The following NUBPL variants were observed in gnomAD, a reference collection of about 807,000 sequenced individuals.
The protein encoded by NUBPL is iron-sulfur cluster transfer protein NUBPL.
A neutral mutation model predicts 45.7 loss-of-function variants in NUBPL; 31 were observed. The observed-to-expected ratio is 0.68, with a 90% CI of 0.51 to 0.92. The LOEUF (loss-of-function observed/expected upper bound fraction) is 0.92. NUBPL is among the 40% of genes least tolerant of loss of function. The pLI, the probability that NUBPL is intolerant of heterozygous loss-of-function variation, is 0.00. For missense variants in NUBPL, 401 were observed against 398.7 expected (o/e 1.01, Z -0.05); for synonymous variants, 144 against 140.9 (o/e 1.02, Z -0.15).
chr14:31,716,364 A>G (rs2037688501), intron 6 of NUBPL, among the ~76,000 whole-genome samples: 1 of 152,138 alleles, frequency 6.6e-6, no homozygotes, highest in Non-Finnish European at 1.5e-5. Context: ...ACTGTACCTA[A>G]TTGTATATGT....
At chr14:31,708,916 T>C (rs543865456) in intron 6 of NUBPL, among the ~76,000 whole-genome samples, 2 of 152,300 alleles carry the variant, frequency 1.3e-5, no homozygotes, top group South Asian at 4.1e-4. Context: ...GACAATCTTT[T>C]TTAAAGTGTC....
At chr14:31,780,281 G>A (rs551563264) in intron 6 of NUBPL, among the ~76,000 whole-genome samples, 32 of 151,976 alleles carry the variant, frequency 2.1e-4, no homozygotes, top group African/African-American at 7.2e-4. Flanking sequence ...AGTTGGCCAG[G>A]CTAGTCTGTG....
intron 6 of NUBPL, among the ~76,000 whole-genome samples, chr14:31,739,256 T>TATA (rs1566533875): frequency 8.4e-6 from 1 of 119,126 alleles, no homozygotes; most frequent in African/African-American, 4.4e-5. Flanking sequence ...ATATATATTT[T>TATA]TTTTTTTTAG....
In NUBPL at chr14:31,859,241, C is replaced by A; in HGVS notation, c.*61C>A. 8.0e-7 allele frequency: 1 copy of A among 1,246,490 alleles called. No individual in the cohort carries two copies. The highest frequency in any genetic ancestry group is 1.2e-6 in the Non-Finnish European group (1 of 845,850). 77.2% of individuals were successfully genotyped at this position (1,246,490 alleles called of 1,614,324 possible). A position where few individuals can be genotyped will look rare whatever the true frequency, so the allele number is the denominator to read the frequency against. On this transcript the variant is annotated 3_prime_UTR_variant, in exon 11 of 11. Coordinates refer to ENST00000281081, the MANE Select transcript of NUBPL (RefSeq NM_025152.3). ...CATTAAGAGGACCTTTGGAAATCAG[C>A]AATGTGGTGATGGAACCTACAGAAA...
intron 4 of NUBPL, among the ~76,000 whole-genome samples, chr14:31,616,277 C>T (rs1470366314): frequency 6.6e-6 from 1 of 152,124 alleles, no homozygotes; most frequent in Non-Finnish European, 1.5e-5. Flanking sequence ...TGTGCAGAAG[C>T]TCTTTAGTTT....
At chr14:31,624,830 G>T (rs2035162561) in intron 4 of NUBPL, among the ~76,000 whole-genome samples, 1 of 152,174 alleles carries the variant, frequency 6.6e-6, no homozygotes, top group Non-Finnish European at 1.5e-5. Context: ...CTCCCAAAGT[G>T]CCGGGATTAC....
rs1360379723 is a variant in NUBPL, at chr14:31,589,451, T to G, written c.292-9838T>G. Among the ~76,000 whole-genome samples the G allele has an allele frequency of 7.9e-5, 12 of 152,326 alleles. No homozygotes were observed. The East Asian group carries it at 1.9e-3, about 24-fold the overall frequency. ...CTGTAATATATATTAACAGTATTAA[T>G]TGATTTGAAACCTATGTGTCTACCT... On this transcript the variant is annotated intron_variant, in intron 3 of 10. Transcript: ENST00000281081.
intron 6 of NUBPL, among the ~76,000 whole-genome samples, chr14:31,784,374 T>G (rs2039248392): frequency 6.6e-6 from 1 of 152,178 alleles, no homozygotes; most frequent in Non-Finnish European, 1.5e-5. Flanking sequence ...AGTCTTTGTA[T>G]GAGAAAGGTT....
chr14:31,680,158 A>G (rs531038298), intron 6 of NUBPL, among the ~76,000 whole-genome samples: 2 of 152,236 alleles, frequency 1.3e-5, no homozygotes, highest in South Asian at 4.1e-4. Flanking sequence ...TCTTGTGTGT[A>G]CATTTATGTT....
chr14:31,579,242 A>G (rs1367158074), intron 3 of NUBPL, among the ~76,000 whole-genome samples: 1 of 152,222 alleles, frequency 6.6e-6, no homozygotes, highest in Non-Finnish European at 1.5e-5. Flanking sequence ...GGTGGCTTAA[A>G]TAAAGGATGA....
chr14:31,601,394 A>G (rs2034430718), intron 4 of NUBPL, among the ~76,000 whole-genome samples: 1 of 152,230 alleles, frequency 6.6e-6, no homozygotes, highest in South Asian at 2.1e-4. Context: ...TGAGCACGGA[A>G]TGTTCTTCCA....
At chr14:31,847,282 A>T (rs1392897308) in intron 9 of NUBPL, among the ~76,000 whole-genome samples, 1 of 152,232 alleles carries the variant, frequency 6.6e-6, no homozygotes, top group Non-Finnish European at 1.5e-5. Context: ...AAAACCTCTA[A>T]AAGTGTTCGT....
At chr14:31,811,744 A>G (rs2039809574) in intron 7 of NUBPL, among the ~76,000 whole-genome samples, 1 of 152,058 alleles carries the variant, frequency 6.6e-6, no homozygotes, top group Non-Finnish European at 1.5e-5. Context: ...GTTTCTCTCC[A>G]TCTTTGTGGT....
Position 31,561,484 on chromosome 14 carries a change from C to T in NUBPL, c.45C>T (p.Leu15=), listed in dbSNP as rs777927460. 7.1e-7 allele frequency: 1 copy of T among 1,407,158 alleles called. No homozygotes were observed. The highest frequency in any genetic ancestry group is 1.8e-5 in the South Asian group (1 of 56,030). 87.2% of individuals were successfully genotyped at this position (1,407,158 alleles called of 1,614,324 possible). Residue 15 remains leucine (L), a synonymous_variant, in exon 1 of 11, where the codon CTC becomes CTT. Transcript: ENST00000281081. ...TGCTGCTTTTTGGTGGGGTGTCGCTCCGGGCTGGTGGCGGGGCCACTGCCC... is the reference window on the plus strand; with the variant it reads ...TGCTGCTTTTTGGTGGGGTGTCGCTTCGGGCTGGTGGCGGGGCCACTGCCC... ...QRLLLFGGVS[L]RAGGGATAPL...
chr14:31,616,056 A>AT (rs2034890660), intron 4 of NUBPL, among the ~76,000 whole-genome samples: 1 of 151,856 alleles, frequency 6.6e-6, no homozygotes, highest in Admixed American at 6.6e-5. Context: ...TGATGATGAG[A>AT]TTTTTTTCAT....
chr14:31,759,033 A>G (rs1041797285), intron 6 of NUBPL, among the ~76,000 whole-genome samples: 13 of 152,190 alleles, frequency 8.5e-5, no homozygotes, highest in Middle Eastern at 3.4e-3. Flanking sequence ...GTCTTAGAAC[A>G]TACCCTTTCC....
chr14:31,592,916 C>A (rs886981661), intron 3 of NUBPL, among the ~76,000 whole-genome samples: 2 of 152,108 alleles, frequency 1.3e-5, no homozygotes, highest in Non-Finnish European at 2.9e-5. Context: ...ATGCAAAAAT[C>A]CTTACCCTCA....
At chr14:31,846,398 G>A (rs746568051) in intron 8 of NUBPL, 73 bp from the exon 9 acceptor site, 44 of 1,280,130 alleles carry the variant, frequency 3.4e-5, no homozygotes, top group Non-Finnish European at 4.6e-5. Context: ...TAGGCACTCT[G>A]TAAAAATTTG....
intron 4 of NUBPL, among the ~76,000 whole-genome samples, chr14:31,651,216 T>C (rs1421551188): frequency 2.0e-5 from 3 of 152,112 alleles, no homozygotes; most frequent in Non-Finnish European, 4.4e-5. Context: ...CACTGCAACC[T>C]CTGCCGCCTG....
Sources: allele counts gnomAD v4.1 joint callset (sites outside exome capture counted in the v4.1 genomes callset), GRCh38; gene constraint gnomAD v4.1.1; transcripts MANE v1.5; gene names NCBI Gene and HGNC (gene_info 2026-07-23, HGNC 2026-07-21).